The following RPL19 variants were observed in gnomAD, a reference collection of about 807,000 sequenced individuals.
The protein encoded by RPL19 is ribosomal protein L19, also known as large ribosomal subunit protein eL19.
In RPL19, 2 loss-of-function variants were observed where a neutral mutation model predicts 25.1. That is an observed-to-expected ratio of 0.08 (90% CI 0.03 to 0.25). The LOEUF is 0.25. Ranked by LOEUF, RPL19 falls within the 10% of genes least tolerant of loss-of-function variation. The pLI, the probability that RPL19 is intolerant of heterozygous loss-of-function variation, is 1.00. For missense variants in RPL19, 123 were observed against 271.8 expected (o/e 0.45, Z 3.85); for synonymous variants, 89 against 91.2 (o/e 0.98, Z 0.14).
chr17:39,202,071 C>T (rs922245472), intron 2 of RPL19, among the ~76,000 whole-genome samples: 2 of 152,164 alleles, frequency 1.3e-5, no homozygotes, highest in Non-Finnish European at 2.9e-5. Flanking sequence ...AATTCAAGAC[C>T]GGCCTGGGCA....
rs778543459 is a variant in RPL19 at position 39,204,691 on chromosome 17, T to C, written c.*43T>C. The C allele has an allele frequency of 2.5e-6, 4 of 1,585,558 alleles. No homozygotes were observed. Among genetic ancestry groups the C allele is most frequent in the Non-Finnish European group, 2.6e-6 (3 of 1,159,924 alleles). ...GTACATACTGGCCTCTGTGATTACA[T>C]AGATCAGCCATTAAAATAAAACAAG... On this transcript the variant is annotated 3_prime_UTR_variant, in exon 6 of 6. Transcript: ENST00000225430.
chr17:39,202,177 C>G, intron 2 of RPL19, 140 bp from the exon 3 acceptor site: 1 of 1,052,908 alleles, frequency 9.5e-7, no homozygotes, highest in Non-Finnish European at 1.4e-6. Context: ...TTTTTGAAGG[C>G]AAGAAATAAG....
At position 39,201,369 on chromosome 17, in the gene RPL19, C is replaced by T. The variant is rs772639034; in HGVS notation, c.112+50C>T. 30 of 1,063,828 alleles carry T rather than the reference C, an allele frequency of 2.8e-5. No individual in the cohort carries two copies. The East Asian group carries it at 3.3e-4, about 12-fold the overall frequency. The allele number at this position is 1,063,828 out of a possible 1,614,324, so 65.9% of individuals were successfully genotyped here. On this transcript the variant is annotated intron_variant, in intron 2 of 5. Coordinates refer to ENST00000225430, the MANE Select transcript of RPL19 (RefSeq NM_000981.4). ...CACCCTACTTCCTTCTTTTCTCCTG[C>T]GTCAGATTAATGATAACACAATTGT...
intron 5 of RPL19, 50 bp from the exon 6 acceptor site, chr17:39,204,475 A>G: frequency 6.2e-7 from 1 of 1,608,120 alleles, no homozygotes; most frequent in Non-Finnish European, 8.5e-7. Context: ...CTGTCTCCCT[A>G]GCATCTCATC....
At chr17:39,200,781 C>T (rs16530) in intron 1 of RPL19, 136,603 of 1,038,144 alleles carry the variant, frequency 0.13, 9,711 homozygotes, top group African/African-American at 0.26. Context: ...CTCCTTTGGC[C>T]TCTCATAAAG....
Position 39,202,452 on chromosome 17 carries a change from A to T in RPL19, c.235+13A>T, listed in dbSNP as rs867040252. On this transcript the variant is annotated intron_variant, in intron 3 of 5. Transcript: ENST00000225430. ...CACATGGGCATAGGTAAGTGTGGTC[A>T]TCTTCTCCTTAAGAAATGATAGGTG... 1.4e-5 allele frequency: 22 copies of T among 1,614,000 alleles called. No individual in the cohort carries two copies. In the Admixed American group the frequency reaches 2.2e-4, roughly 16 times the overall value.
Position 39,204,435 on chromosome 17 carries a change from G to C in RPL19, c.468-90G>C, listed in dbSNP as rs954266308. On this transcript the variant is annotated intron_variant, in intron 5 of 5. Coordinates refer to ENST00000225430, the MANE Select transcript of RPL19 (RefSeq NM_000981.4). ...GCAACTCATTCCAGAAGCTGACTAGGCTCAAAGGGAGAGGTCTGGGGATGT... is the reference window on the plus strand; with the variant it reads ...GCAACTCATTCCAGAAGCTGACTAGCCTCAAAGGGAGAGGTCTGGGGATGT... The C allele has an allele frequency of 1.0e-5, 15 of 1,499,480 alleles. No homozygotes were observed. In the African/African-American group the frequency reaches 2.1e-4, roughly 21 times the overall value. The allele number at this position is 1,499,480 out of a possible 1,614,324, so 92.9% of individuals were successfully genotyped here.
Position 39,200,339 on chromosome 17 carries a change from G to A in RPL19, c.-6G>A, listed in dbSNP as rs747346388. ...GCTCTTTCCTTTCGCTGCTGCGGCC[G>A]CAGCCATGAGGTGAGGGCGAGCTGG... On this transcript the variant is annotated 5_prime_UTR_variant, in exon 1 of 6. Transcript: ENST00000225430. The A allele has an allele frequency of 4.5e-6, 7 of 1,559,710 alleles. No individual in the cohort carries two copies. In the Admixed American group the frequency reaches 1.0e-4, roughly 22 times the overall value.
intron 4 of RPL19, 147 bp from the exon 5 acceptor site, chr17:39,203,926 CAAAA>C (rs1196012227): frequency 1.7e-6 from 1 of 586,304 alleles, no homozygotes; most frequent in Admixed American, 2.9e-5. Flanking sequence ...GAACTGCACA[CAAAA>C]AAGTCATGGT....
chr17:39,202,547 T>G, intron 3 of RPL19, 108 bp downstream of exon 3: 1 of 1,355,256 alleles, frequency 7.4e-7, no homozygotes, highest in Non-Finnish European at 1.0e-6. Flanking sequence ...TTCTTACTCC[T>G]TGATATTTGA....
chr17:39,204,411 C>A, intron 5 of RPL19, 114 bp from the exon 6 acceptor site: 2 of 1,323,128 alleles, frequency 1.5e-6, no homozygotes, highest in Non-Finnish European at 2.1e-6. Flanking sequence ...GTGGGCCCAG[C>A]AACTCATTCC....
At chr17:39,203,144 C>CTGCTTTGAT in intron 4 of RPL19, 35 bp downstream of exon 4, 3 of 1,355,774 alleles carry the variant, frequency 2.2e-6, no homozygotes, top group Non-Finnish European at 3.1e-6. Flanking sequence ...TACCCATTTG[C>CTGCTTTGAT]TGCTTTGATG....
chr17:39,204,395 C>G, intron 5 of RPL19, 130 bp from the exon 6 acceptor site: 1 of 1,169,034 alleles, frequency 8.6e-7, no homozygotes, highest in Non-Finnish European at 1.2e-6. Context: ...GAAGCAGGAG[C>G]CTTTGGTGGG....
intron 3 of RPL19, 64 bp from the exon 4 acceptor site, chr17:39,202,925 A>T: frequency 6.3e-7 from 1 of 1,577,736 alleles, no homozygotes; most frequent in Non-Finnish European, 8.7e-7. Context: ...AACTATATTC[A>T]CTTGGTGTAC....
At chr17:39,204,445 A>T in intron 5 of RPL19, 80 bp from the exon 6 acceptor site, 1 of 1,534,772 alleles carries the variant, frequency 6.5e-7, no homozygotes, top group East Asian at 2.3e-5. Flanking sequence ...GCTCAAAGGG[A>T]GAGGTCTGGG....
chr17:39,200,798 T>A, intron 1 of RPL19: 1 of 1,022,244 alleles, frequency 9.8e-7, no homozygotes, highest in Non-Finnish European at 1.2e-6. Flanking sequence ...AAAGGAAATC[T>A]CTGCGAATAG....
chr17:39,204,067 T>TA lies in RPL19; in HGVS notation c.357-9dup. The TA allele has an allele frequency of 6.6e-7, 1 of 1,519,494 alleles. No individual in the cohort carries two copies. Among genetic ancestry groups the TA allele is most frequent in the Non-Finnish European group, 9.1e-7 (1 of 1,093,986 alleles). The allele number at this position is 1,519,494 out of a possible 1,614,324, so 94.1% of individuals were successfully genotyped here. On this transcript the variant is annotated splice_polypyrimidine_tract_variant and intron_variant, in intron 4 of 5. Transcript: ENST00000225430. The stretch of plus-strand genomic sequence containing the variant: ...CCAACCAGCATCTCTTCACTCCGTG[T>TA]ACCCTGCAGGTATCACAGCCTGTAC...
At chr17:39,204,242 C>A in intron 5 of RPL19, 55 bp downstream of exon 5, 1 of 1,130,908 alleles carries the variant, frequency 8.8e-7, no homozygotes, top group South Asian at 1.2e-5. Flanking sequence ...GAGAGTTGTT[C>A]TTAGATACTT....
At chr17:39,203,948 G>T in intron 4 of RPL19, 129 bp from the exon 5 acceptor site, 1 of 615,670 alleles carries the variant, frequency 1.6e-6, no homozygotes, top group Non-Finnish European at 3.0e-6. Flanking sequence ...GGTTTAGGAA[G>T]TAATTCATGC....
Sources: gnomAD v4.1 joint callset for allele counts (sites outside exome capture counted in the v4.1 genomes callset) on GRCh38, gnomAD v4.1.1 for gene constraint, MANE v1.5 for transcripts, NCBI Gene and HGNC (gene_info 2026-07-23, HGNC 2026-07-21) for gene names.